Variants in PCDHGA2 observed in about 807,000 individuals in gnomAD.
PCDHGA2 encodes protocadherin gamma-A2.
In PCDHGA2, 40 loss-of-function variants were observed where a neutral mutation model predicts 59.2. The ratio of observed to expected loss-of-function variants is 0.68; its 90% CI spans 0.52 to 0.88. PCDHGA2 has a LOEUF of 0.88. PCDHGA2 is among the 40% of genes least tolerant of loss of function. The pLI is 0.00. For missense variants in PCDHGA2, 1,226 were observed against 1,204.0 expected (o/e 1.02, Z -0.27); for synonymous variants, 560 against 526.0 (o/e 1.06, Z -0.89).
chr5:141,423,184 C>G (rs747938944), intron 1 of PCDHGA2: 3 of 1,613,560 alleles, frequency 1.9e-6, no homozygotes, highest in Non-Finnish European at 2.5e-6. Context: ...CCACGGCCAG[C>G]CCCCTCTCTC....
chr5:141,357,450 G>A (rs541013509), intron 1 of PCDHGA2: 2 of 1,614,196 alleles, frequency 1.2e-6, no homozygotes, highest in East Asian at 2.2e-5. Flanking sequence ...GGGCTTTCCT[G>A]CAGACCTATT....
At chr5:141,430,910 G>T in intron 1 of PCDHGA2, 2 of 1,608,040 alleles carry the variant, frequency 1.2e-6, no homozygotes, top group Middle Eastern at 1.7e-4. Context: ...CATCTCCAGG[G>T]ACCTGGGGCT....
At chr5:141,492,068 G>A in intron 1 of PCDHGA2, 1 of 479,628 alleles carries the variant, frequency 2.1e-6, no homozygotes, top group Non-Finnish European at 3.7e-6. Flanking sequence ...AGCCTCCTAG[G>A]CGCCGGCTCC....
chr5:141,496,163 A>T (rs1249396595), intron 2 of PCDHGA2, among the ~76,000 whole-genome samples: 2 of 150,100 alleles, frequency 1.3e-5, no homozygotes, highest in Non-Finnish European at 3.0e-5. Flanking sequence ...TCCACCAGAC[A>T]CCCTCCCATC....
chr5:141,479,731 G>C (rs1176632022), intron 1 of PCDHGA2: 1 of 152,216 alleles, frequency 6.6e-6, no homozygotes, highest in East Asian at 1.9e-4. Context: ...TTTTTCTTAA[G>C]TATATGCACA....
chr5:141,501,544 G>T (rs1297191346), intron 2 of PCDHGA2, among the ~76,000 whole-genome samples: 3 of 151,962 alleles, frequency 2.0e-5, no homozygotes, highest in African/African-American at 7.3e-5. Flanking sequence ...TTGTGCATAA[G>T]ATCATAGGCC....
intron 1 of PCDHGA2, among the ~76,000 whole-genome samples, chr5:141,460,976 T>C (rs1444476508): frequency 7.6e-6 from 1 of 131,636 alleles, no homozygotes; most frequent in Non-Finnish European, 1.6e-5. Flanking sequence ...TGTGTGTGTG[T>C]GTGTGTGTAT....
intron 1 of PCDHGA2, chr5:141,345,869 C>T (rs760004877): frequency 1.3e-5 from 21 of 1,613,160 alleles, no homozygotes; most frequent in Non-Finnish European, 1.7e-5. Flanking sequence ...TCAAGGCCAG[C>T]GAGCCGGGAC....
chr5:141,443,244 G>A (rs1277982376), intron 1 of PCDHGA2, among the ~76,000 whole-genome samples: 4 of 151,542 alleles, frequency 2.6e-5, no homozygotes, highest in African/African-American at 9.7e-5. Flanking sequence ...ACTTTGGGGC[G>A]CCAAGGCGGG....
At chr5:141,357,776 T>C (rs1045078426) in intron 1 of PCDHGA2, 19 of 906,498 alleles carry the variant, frequency 2.1e-5, no homozygotes, top group Non-Finnish European at 2.8e-5. Flanking sequence ...CCAATAATGA[T>C]CAACAGTATT....
At chr5:141,356,606 C>A in intron 1 of PCDHGA2, 1 of 1,614,182 alleles carries the variant, frequency 6.2e-7, no homozygotes, top group Non-Finnish European at 8.5e-7. Flanking sequence ...CCCAGAGGAG[C>A]CTCCATCTTA....
At chr5:141,414,283 G>T in intron 1 of PCDHGA2, 1 of 1,613,520 alleles carries the variant, frequency 6.2e-7, no homozygotes, top group Non-Finnish European at 8.5e-7. Flanking sequence ...GGGAACAGTC[G>T]TAGCCCTTTT....
intron 1 of PCDHGA2, among the ~76,000 whole-genome samples, chr5:141,479,789 T>C (rs888217885): frequency 3.3e-5 from 5 of 152,196 alleles, no homozygotes; most frequent in Non-Finnish European, 2.9e-5. Flanking sequence ...AAAGCATTCA[T>C]TAATTCAGGG....
chr5:141,468,832 C>G (rs530307522), intron 1 of PCDHGA2, among the ~76,000 whole-genome samples: 1 of 152,164 alleles, frequency 6.6e-6, no homozygotes, highest in South Asian at 2.1e-4. Flanking sequence ...AGCCACTGCA[C>G]TCCAGCCTGG....
At chr5:141,427,898 C>A (rs2154552434) in intron 1 of PCDHGA2, 1 of 1,570,872 alleles carries the variant, frequency 6.4e-7, no homozygotes, top group Non-Finnish European at 8.7e-7. Context: ...AGGGCTCGCC[C>A]GCGCTCAGCG....
At chr5:141,478,011 G>T (rs1216659966) in intron 1 of PCDHGA2, 1 of 1,614,088 alleles carries the variant, frequency 6.2e-7, no homozygotes, top group Non-Finnish European at 8.5e-7. Flanking sequence ...AGTACTGCCC[G>T]TCCAGTCCAA....
chr5:141,426,887 G>A (rs1309180455), intron 1 of PCDHGA2: 1 of 456,646 alleles, frequency 2.2e-6, no homozygotes, highest in Non-Finnish European at 4.4e-6. Context: ...TGGGCCAGGA[G>A]CAACAGAGCT....
At chr5:141,391,449 A>C (rs1432134490) in intron 1 of PCDHGA2, 2 of 152,026 alleles carry the variant, frequency 1.3e-5, no homozygotes, top group Admixed American at 1.3e-4. Context: ...ACTAGCTGGA[A>C]CTCAGGCTCA....
At position 141,371,682 on chromosome 5, in the gene PCDHGA2, C is replaced by T. The variant is rs752117459; in HGVS notation, c.2424+30287C>T. 12 of 1,613,918 alleles carry T rather than the reference C, an allele frequency of 7.4e-6. No homozygotes were observed. In the African/African-American group the frequency reaches 1.6e-4, roughly 22 times the overall value. On this transcript the variant is annotated intron_variant, in intron 1 of 3. Transcript: ENST00000394576. Reference sequence around the variant, plus strand: ...GATCACAGCTACCGACAAAGGCAATCCACCGCTCTCCTCCAGCAAGACCAT... The same window carrying T: ...GATCACAGCTACCGACAAAGGCAATTCACCGCTCTCCTCCAGCAAGACCAT...
Sources: gnomAD v4.1 joint callset for allele counts (sites outside exome capture counted in the v4.1 genomes callset) on GRCh38, gnomAD v4.1.1 for gene constraint, MANE v1.5 for transcripts, NCBI Gene and HGNC (gene_info 2026-07-23, HGNC 2026-07-21) for gene names.